ZFHX3: variants seen among roughly 807,000 people sequenced by gnomAD.
ZFHX3 encodes zinc finger homeobox 3.
In ZFHX3, 42 loss-of-function variants were observed where a neutral mutation model predicts 279.1. The ratio of observed to expected loss-of-function variants is 0.15; its 90% CI spans 0.12 to 0.19. The LOEUF (loss-of-function observed/expected upper bound fraction) is 0.19, where lower values mean the gene tolerates loss of function less well. Among genes scored for constraint, ZFHX3 ranks in the 10% least tolerant of loss-of-function variants. The pLI is 1.00. For synonymous variants in ZFHX3, 2,293 were observed against 1,957.8 expected (o/e 1.17, Z -4.52); for missense variants, 4,981 against 4,754.0 (o/e 1.05, Z -1.40).
chr16:73,478,038 C>T (rs2018793446), intron 2 of ZFHX3, among the ~76,000 whole-genome samples: 1 of 151,926 alleles, frequency 6.6e-6, no homozygotes, highest in Admixed American at 6.6e-5. Context: ...TTTGGGAGGC[C>T]GAGGCGGGCG....
At chr16:73,327,401 C>T (rs1301601795) in intron 3 of ZFHX3, among the ~76,000 whole-genome samples, 1 of 152,194 alleles carries the variant, frequency 6.6e-6, no homozygotes, top group East Asian at 1.9e-4. Flanking sequence ...CAGTCCTTAA[C>T]CAAACAACCC....
chr16:73,086,828 A>C (rs915238217), intron 8 of ZFHX3, among the ~76,000 whole-genome samples: 1 of 152,154 alleles, frequency 6.6e-6, no homozygotes, highest in African/African-American at 2.4e-5. Context: ...GTTTGAGTCC[A>C]GGAGGTTGAG....
In ZFHX3 at chr16:73,113,820, A is replaced by G. The variant is rs528542144; in HGVS notation, c.-897+17148T>C. Among the ~76,000 whole-genome samples, 12 of 123,216 alleles carry G rather than the reference A, an allele frequency of 9.7e-5. 1 individual carries two copies. Among genetic ancestry groups the G allele is most frequent in the Admixed American group, 3.5e-4 (4 of 11,582 alleles). The allele number at this position is 123,216 out of a possible 152,430, so 80.8% of individuals were successfully genotyped here. Reference sequence around the variant, plus strand: ...TTTTTTTTTTTTTTTTTTTAGACAGAGTCTTGCTGTGTCACCCAGGCTGGA... The same window carrying G: ...TTTTTTTTTTTTTTTTTTTAGACAGGGTCTTGCTGTGTCACCCAGGCTGGA... On this transcript the variant is annotated intron_variant, in intron 7 of 17. Coordinates refer to the ZFHX3 transcript ENST00000641206.
chr16:72,968,312 G>A (rs1030277855), intron 1 of ZFHX3, among the ~76,000 whole-genome samples: 1 of 152,152 alleles, frequency 6.6e-6, no homozygotes, highest in Non-Finnish European at 1.5e-5. Flanking sequence ...AACTGTTTCA[G>A]ATTAAAAGAG....
intron 3 of ZFHX3, among the ~76,000 whole-genome samples, chr16:73,406,850 C>A (rs1323292923): frequency 6.6e-6 from 1 of 152,132 alleles, no homozygotes; most frequent in East Asian, 1.9e-4. Context: ...CTTTTTGCAG[C>A]CTTATCATCT....
chr16:72,878,549 C>T (rs1344986343), intron 4 of ZFHX3, among the ~76,000 whole-genome samples: 1 of 152,276 alleles, frequency 6.6e-6, no homozygotes, highest in South Asian at 2.1e-4. Context: ...GAGGCACGCG[C>T]TCTGGAGTGT....
intron 4 of ZFHX3, among the ~76,000 whole-genome samples, chr16:73,298,217 ATTT>A (rs764184367): frequency 2.2e-5 from 3 of 138,580 alleles, no homozygotes; most frequent in South Asian, 2.3e-4. Context: ...AAAAATCAGA[ATTT>A]TTTTTTTTTT....
intron 5 of ZFHX3, among the ~76,000 whole-genome samples, chr16:73,174,266 AAACAACAACAACAACAACAACAAC>A (rs140975222): frequency 6.7e-6 from 1 of 149,008 alleles, no homozygotes; most frequent in Non-Finnish European, 1.5e-5. Context: ...TGTTCACACA[AAACAACAACAACAACAACAACAAC>A]AACAACAACA....
chr16:72,787,255 C>G lies in ZFHX3; in HGVS notation c.11021G>C (p.Gly3674Ala). The G allele has an allele frequency of 6.2e-7, 1 of 1,614,068 alleles. No individual in the cohort carries two copies. Among genetic ancestry groups the G allele is most frequent in the Non-Finnish European group, 8.5e-7 (1 of 1,180,030 alleles). ...SDTDLSQKSDGPASPVEGPKD... is the reference protein window; with the variant it reads ...SDTDLSQKSDAPASPVEGPKD... ...GGGACCCTCCACCGGGCTCGCCGGT[C>G]CGTCGGACTTTTGGCTGAGATCCGT... is the stretch of plus-strand genomic sequence containing the variant. The change falls in exon 10 of 10, where the codon GGA (glycine) becomes GCA (alanine). Residue 3674 changes from glycine (G) to alanine (A), a missense_variant. Physicochemically the swap from Gly to Ala is moderately conservative, Grantham distance 60. Around this residue, in one of 7 missense-constraint regions of ZFHX3, gnomAD observed 1,034 missense variants for 786.0 expected, o/e 1.32. Transcript: ENST00000268489.
intron 1 of ZFHX3, among the ~76,000 whole-genome samples, chr16:73,033,381 C>T (rs1964779134): frequency 2.0e-5 from 3 of 152,234 alleles, no homozygotes; most frequent in Admixed American, 1.3e-4. Flanking sequence ...TCAAGAACTG[C>T]GTCTTAGCTG....
At position 72,787,700 on chromosome 16, in the gene ZFHX3, C is replaced by T. The variant is rs773539831; in HGVS notation, c.10576G>A (p.Gly3526Ser). 16 of 1,314,146 alleles carry T rather than the reference C, an allele frequency of 1.2e-5. No homozygotes were observed. Among genetic ancestry groups the T allele is most frequent in the Admixed American group, 1.0e-4 (4 of 39,350 alleles). 81.4% of individuals were successfully genotyped at this position (1,314,146 alleles called of 1,614,324 possible). A position where few individuals can be genotyped will look rare whatever the true frequency, so the allele number is the denominator to read the frequency against. The part of the protein sequence containing the change: ...GGGGGGGGGG[G>S]GSYHCLACES... Reference sequence around the variant, plus strand: ...CACGCCAGGCAGTGGTACGAGCCGCCGCCGCCGCCGCCGCCGCCACCGCCG... The same window carrying T: ...CACGCCAGGCAGTGGTACGAGCCGCTGCCGCCGCCGCCGCCGCCACCGCCG... Residue 3526 changes from glycine (G) to serine (S), a missense_variant, in exon 10 of 10, where the codon GGC (glycine) becomes AGC (serine). Physicochemically the swap from Gly to Ser is moderately conservative, Grantham distance 56. This residue lies in a region of ZFHX3 where 1,034 missense variants were observed against 786.0 expected (regional missense o/e 1.32). Transcript: ENST00000268489.
intron 2 of ZFHX3, among the ~76,000 whole-genome samples, chr16:73,663,871 C>G (rs940434176): frequency 6.6e-6 from 1 of 152,108 alleles, no homozygotes; most frequent in East Asian, 1.9e-4. Context: ...AGCAATTAAC[C>G]TCTATGTTCT....
chr16:73,608,555 T>A (rs938123539), intron 2 of ZFHX3: 6 of 152,036 alleles, frequency 3.9e-5, no homozygotes, highest in South Asian at 2.1e-4. Context: ...ATTGAAAAAA[T>A]TTCTCTGGAG....
intron 1 of ZFHX3, among the ~76,000 whole-genome samples, chr16:73,822,795 C>T (rs1157652183): frequency 2.6e-5 from 4 of 152,186 alleles, no homozygotes; most frequent in Non-Finnish European, 4.4e-5. Flanking sequence ...AGTCATGTCA[C>T]TTTTAGATAC....
rs553964612 is a variant in ZFHX3 at position 73,458,500 on chromosome 16, T to C, written c.-1546-2242A>G. 2.0e-5 allele frequency among the ~76,000 whole-genome samples: 3 copies of C among 152,016 alleles called. No individual in the cohort carries two copies. In the East Asian group the frequency reaches 5.9e-4, roughly 30 times the overall value. On this transcript the variant is annotated intron_variant, in intron 2 of 17. Coordinates refer to the ZFHX3 transcript ENST00000641206. ...AAGCAAATCTCATGCCTCAGCCTCC[T>C]GAGTAGCTGGGATTGCAGGAACCTG...
chr16:73,308,334 A>G (rs994757046), intron 4 of ZFHX3, among the ~76,000 whole-genome samples: 2 of 139,128 alleles, frequency 1.4e-5, no homozygotes, highest in African/African-American at 5.3e-5. Context: ...CTGGAGTGCA[A>G]TGGCGCAATC....
At chr16:73,120,474 C>A (rs145415555) in intron 7 of ZFHX3, among the ~76,000 whole-genome samples, 1 of 152,030 alleles carries the variant, frequency 6.6e-6, no homozygotes, top group Non-Finnish European at 1.5e-5. Flanking sequence ...GGGTCTCACT[C>A]CATTGCCCAG....
Position 72,794,400 on chromosome 16 carries a change from T to C in ZFHX3, c.8282A>G (p.Lys2761Arg). 6.2e-7 allele frequency: 1 copy of C among 1,608,272 alleles called. No homozygotes were observed. Among genetic ancestry groups the C allele is most frequent in the East Asian group, 2.2e-5 (1 of 44,772 alleles). ...LLDCDGGLQMKGDIFDGTSFS... is the reference protein window; with the variant it reads ...LLDCDGGLQMRGDIFDGTSFS... ...GCTAGTTCCGTCAAAAATATCTCCT[T>C]TCATCTGGAGTCCCCCATCACAGTC... Residue 2761 changes from lysine to arginine, a missense_variant, in exon 9 of 10, where the codon AAA (lysine) becomes AGA (arginine). Lys to Arg is a conservative substitution (Grantham distance 26). Transcript: ENST00000268489. The surrounding 1 kb of genome is among the most constrained non-coding windows in gnomAD (Gnocchi z 4.2).
intron 1 of ZFHX3, among the ~76,000 whole-genome samples, chr16:73,730,352 C>CAAAAAAAAAAAAAAAAAAAAAA (rs66477968): frequency 1.2e-5 from 1 of 81,166 alleles, no homozygotes; most frequent in African/African-American, 5.1e-5. Flanking sequence ...CCTCCCCTCG[C>CAAAAAAAAAAAAAAAAAAAAAA]AAAAAAAAAA....
Sources: gnomAD v4.1 joint callset for allele counts (sites outside exome capture counted in the v4.1 genomes callset) on GRCh38, gnomAD v4.1.1 for gene constraint, gnomAD v4.1.1 regional missense constraint, Gnocchi (gnomAD v3.1) non-coding constraint, MANE v1.5 for transcripts, NCBI Gene and HGNC (gene_info 2026-07-23, HGNC 2026-07-21) for gene names.